The following MAST2 variants were observed in gnomAD, a reference collection of about 807,000 sequenced individuals.
MAST2 encodes microtubule associated serine/threonine kinase 2, also known as microtubule-associated serine/threonine-protein kinase 2.
Under a neutral mutation model 147.4 loss-of-function variants are expected in MAST2, and 70 were observed. The observed-to-expected ratio is 0.47, with a 90% CI of 0.39 to 0.58. MAST2 has a LOEUF of 0.58. MAST2 is among the 20% of genes least tolerant of loss of function. MAST2 has a pLI of 0.00. For synonymous variants in MAST2, 869 were observed against 896.8 expected (o/e 0.97, Z 0.55); for missense variants, 2,080 against 2,302.3 (o/e 0.90, Z 1.98).
At chr1:45,874,578 C>T (rs1402224683) in intron 3 of MAST2, among the ~76,000 whole-genome samples, 1 of 152,160 alleles carries the variant, frequency 6.6e-6, no homozygotes, top group Non-Finnish European at 1.5e-5. Context: ...AGGCAGGACC[C>T]TATTGTCTTA....
chr1:45,985,786 TTC>T (rs1398662466), intron 5 of MAST2, among the ~76,000 whole-genome samples: 1 of 152,240 alleles, frequency 6.6e-6, no homozygotes, highest in African/African-American at 2.4e-5. Context: ...CATCTTTAAT[TTC>T]TCTCAACATG....
intron 6 of MAST2, chr1:46,000,962 T>C (rs1238179958): frequency 3.1e-6 from 4 of 1,289,520 alleles, no homozygotes; most frequent in South Asian, 1.2e-5. Context: ...ACTACAGCCA[T>C]AGCCACAGAG....
At chr1:45,925,090 C>G (rs1654152550) in intron 4 of MAST2, among the ~76,000 whole-genome samples, 1 of 152,120 alleles carries the variant, frequency 6.6e-6, no homozygotes, top group Admixed American at 6.6e-5. Context: ...AACAGTGTCC[C>G]CTTGCATCAT....
In MAST2 at chr1:46,035,980, A is replaced by T; in HGVS notation, c.5311A>T (p.Ser1771Cys). 6.2e-7 allele frequency: 1 copy of T among 1,613,918 alleles called. No homozygotes were observed. The highest frequency in any genetic ancestry group is 8.5e-7 in the Non-Finnish European group (1 of 1,180,022). ...CCCCCTCACCCAGAAGTCTGAGCCC[A>T]GCCTCAGGAGGGGCCAAGAACCAGG... ...GCPLTQKSEPSLRRGQEPGGH... is the reference protein window; with the variant it reads ...GCPLTQKSEPCLRRGQEPGGH... The change falls in exon 29 of 29, where the codon AGC (serine) becomes TGC (cysteine). Residue 1771 changes from serine to cysteine, a missense_variant. By Grantham distance (112) the Ser-to-Cys change is moderately radical. This residue lies in a region of MAST2 where 1,278 missense variants were observed against 1,304.2 expected (regional missense o/e 0.98). Transcript: ENST00000361297. The surrounding 1 kb of genome is among the most constrained non-coding windows in gnomAD (Gnocchi z 5.5).
chr1:46,001,575 G>A lies in MAST2; in HGVS notation c.669-1230G>A, dbSNP rs193117133. The stretch of plus-strand genomic sequence containing the variant: ...GAACATCATGTCTGAGCACCTTCCT[G>A]GACATGTCTGAACCTCAGAGACTAG... On this transcript the variant is annotated intron_variant, in intron 6 of 28. Coordinates refer to ENST00000361297, the MANE Select transcript of MAST2 (RefSeq NM_015112.3). Among the ~76,000 whole-genome samples the A allele has an allele frequency of 2.0e-5, 3 of 152,294 alleles. No homozygotes were observed. The East Asian group carries it at 5.8e-4, about 29-fold the overall frequency.
At chr1:45,902,497 C>T (rs182928904) in intron 4 of MAST2, among the ~76,000 whole-genome samples, 49 of 151,920 alleles carry the variant, frequency 3.2e-4, no homozygotes, top group Admixed American at 2.7e-3. Context: ...TTTAGTAGAA[C>T]GAGCTAGGGA....
chr1:45,968,669 G>A (rs1303286732), intron 5 of MAST2, among the ~76,000 whole-genome samples: 3 of 151,862 alleles, frequency 2.0e-5, no homozygotes, highest in African/African-American at 7.3e-5. Context: ...ATATGTCTAA[G>A]TGCAGTTTTT....
chr1:45,829,695 A>G (rs1460374267), intron 3 of MAST2, 114 bp downstream of exon 3: 4 of 1,110,738 alleles, frequency 3.6e-6, no homozygotes, highest in African/African-American at 1.6e-5. Context: ...GTTTCCCAAA[A>G]TGAAGTATGG....
chr1:46,001,059 G>A (rs1419901134), intron 6 of MAST2: 2 of 1,101,242 alleles, frequency 1.8e-6, no homozygotes, highest in Non-Finnish European at 2.4e-6. Context: ...TGTTGTGGTT[G>A]GTGAAAACTG....
At chr1:45,918,041 A>G (rs890481138) in intron 4 of MAST2, among the ~76,000 whole-genome samples, 33 of 152,244 alleles carry the variant, frequency 2.2e-4, no homozygotes, top group Non-Finnish European at 1.0e-4. Context: ...AACATAAAGC[A>G]ATAAAATCCC....
At chr1:45,996,360 A>G (rs1474995394) in intron 5 of MAST2, among the ~76,000 whole-genome samples, 1 of 152,042 alleles carries the variant, frequency 6.6e-6, no homozygotes, top group Non-Finnish European at 1.5e-5. Flanking sequence ...ATCAAAAAAG[A>G]ACAGAATTTT....
At chr1:45,986,543 C>T (rs1297365685) in intron 5 of MAST2, among the ~76,000 whole-genome samples, 5 of 151,908 alleles carry the variant, frequency 3.3e-5, no homozygotes, top group Non-Finnish European at 7.4e-5. Context: ...ACAGTGAAAC[C>T]CCGTCTCTAC....
chr1:46,009,675 C>G (rs887543218), intron 9 of MAST2, among the ~76,000 whole-genome samples: 1 of 152,182 alleles, frequency 6.6e-6, no homozygotes, highest in Non-Finnish European at 1.5e-5. Flanking sequence ...TGTTTATAGG[C>G]ATGTTTCCAG....
At chr1:45,818,347 G>T (rs919998919) in intron 1 of MAST2, among the ~76,000 whole-genome samples, 11 of 152,170 alleles carry the variant, frequency 7.2e-5, no homozygotes, top group Non-Finnish European at 1.6e-4. Context: ...GCTTTGGGAA[G>T]TGCTTTGGAG....
In MAST2 at chr1:46,033,369, G is replaced by A. The variant is rs187911654; in HGVS notation, c.3538-433G>A. On this transcript the variant is annotated intron_variant, in intron 26 of 28. Coordinates refer to ENST00000361297, the MANE Select transcript of MAST2 (RefSeq NM_015112.3). The stretch of plus-strand genomic sequence containing the variant: ...CAGGAGAAGTGCTTGAACCCAGGAG[G>A]CAGAGGTTGCAGTGAGCTGAGATCG... 3.3e-5 allele frequency among the ~76,000 whole-genome samples: 5 copies of A among 151,898 alleles called. No homozygotes were observed. In the East Asian group the frequency reaches 9.7e-4, roughly 29 times the overall value.
rs372198683 is a variant in MAST2, at chr1:46,034,273, A to AG, written c.3868+10dup. 148 of 1,609,340 alleles carry AG rather than the reference A, an allele frequency of 9.2e-5. 2 individuals carry two copies. In the East Asian group the frequency reaches 1.4e-3, roughly 16 times the overall value. On this transcript the variant is annotated splice_region_variant and intron_variant, in intron 28 of 28. Coordinates refer to ENST00000361297, the MANE Select transcript of MAST2 (RefSeq NM_015112.3). ...CCCGATGCTGTGCATTCAGGTACGA[A>AG]GGGCTCCCTGCAGATCAGTGACAAC...
At chr1:45,904,276 C>G (rs1050385764) in intron 4 of MAST2, among the ~76,000 whole-genome samples, 1 of 151,550 alleles carries the variant, frequency 6.6e-6, no homozygotes, top group Non-Finnish European at 1.5e-5. Context: ...CAGATTCAAG[C>G]GATTCTCCTG....
intron 5 of MAST2, among the ~76,000 whole-genome samples, chr1:45,973,406 C>T (rs1250124247): frequency 1.3e-5 from 2 of 152,152 alleles, no homozygotes; most frequent in Non-Finnish European, 2.9e-5. Flanking sequence ...CTAGAAACCC[C>T]ACCTTTGAAA....
chr1:45,832,039 C>T (rs1570280384), intron 3 of MAST2, among the ~76,000 whole-genome samples: 1 of 152,224 alleles, frequency 6.6e-6, no homozygotes, highest in East Asian at 1.9e-4. Context: ...CTCGGCCTCT[C>T]AAAGTGCTGG....
Sources: allele counts gnomAD v4.1 joint callset (sites outside exome capture counted in the v4.1 genomes callset), GRCh38; gene constraint gnomAD v4.1.1; regional missense constraint gnomAD v4.1.1; non-coding constraint Gnocchi (gnomAD v3.1); transcripts MANE v1.5; gene names NCBI Gene and HGNC (gene_info 2026-07-23, HGNC 2026-07-21).